DIP2C: variants seen among roughly 807,000 people sequenced by gnomAD.
DIP2C encodes the protein DIP2 acetate--CoA ligase C (putative), also known as disco-interacting protein 2 homolog C.
A neutral mutation model predicts 192.4 loss-of-function variants in DIP2C; 33 were observed. That is an observed-to-expected ratio of 0.17 (90% CI 0.13 to 0.23). The LOEUF is 0.23. Among genes scored for constraint, DIP2C ranks in the 10% least tolerant of loss-of-function variants. DIP2C has a pLI of 1.00. For missense variants in DIP2C, 1,537 were observed against 2,110.1 expected (o/e 0.73, Z 5.32); for synonymous variants, 979 against 864.1 (o/e 1.13, Z -2.33).
At chr10:303,263 A>G (rs970618164) in intron 32 of DIP2C, among the ~76,000 whole-genome samples, 1 of 151,950 alleles carries the variant, frequency 6.6e-6, no homozygotes, top group Admixed American at 6.5e-5. Flanking sequence ...ATGAGGCTGT[A>G]GATTGATCAA....
intron 1 of DIP2C, among the ~76,000 whole-genome samples, chr10:626,713 CAG>C (rs749965599): frequency 4.0e-5 from 6 of 150,406 alleles, no homozygotes; most frequent in Non-Finnish European, 8.8e-5. Context: ...CACTGTTGCC[CAG>C]GAAGGATGGA....
chr10:370,274 C>T (rs1245751391), intron 17 of DIP2C, among the ~76,000 whole-genome samples: 1 of 152,242 alleles, frequency 6.6e-6, no homozygotes, highest in African/African-American at 2.4e-5. Context: ...AGGCAGTTTT[C>T]AGAAGACCAC....
At chr10:286,418 A>G (rs961450925) in intron 33 of DIP2C, 71 bp from the exon 34 acceptor site, 15 of 1,362,098 alleles carry the variant, frequency 1.1e-5, no homozygotes, top group Admixed American at 3.4e-5. Flanking sequence ...AGCCAACCTC[A>G]ATCTCATCTT....
intron 1 of DIP2C, among the ~76,000 whole-genome samples, chr10:577,150 G>A (rs1397979494): frequency 2.6e-5 from 4 of 152,172 alleles, no homozygotes; most frequent in African/African-American, 4.8e-5. Context: ...GTTCCAGTAT[G>A]GCTGCATCCT....
intron 3 of DIP2C, among the ~76,000 whole-genome samples, chr10:441,754 T>A (rs568134043): frequency 2.0e-5 from 3 of 152,358 alleles, no homozygotes; most frequent in African/African-American, 7.2e-5. Flanking sequence ...TATGTCTTTA[T>A]CAGCAATGTG....
chr10:550,948 C>T (rs1848554160), intron 1 of DIP2C, among the ~76,000 whole-genome samples: 1 of 152,168 alleles, frequency 6.6e-6, no homozygotes, highest in South Asian at 2.1e-4. Flanking sequence ...TCCCCTCTGC[C>T]CTCACTGGAC....
chr10:385,907 G>C (rs78598568), intron 14 of DIP2C, among the ~76,000 whole-genome samples: 23,181 of 152,140 alleles, frequency 0.15, 1,863 homozygotes, highest in East Asian at 0.21. Flanking sequence ...CCGACTCCCC[G>C]CCACTCTGCT....
intron 6 of DIP2C, among the ~76,000 whole-genome samples, chr10:417,865 C>T (rs371754092): frequency 0.039 from 634 of 16,058 alleles, 73 homozygotes; most frequent in Non-Finnish European, 0.062. Context: ...AGAGCTCGGA[C>T]AGGCCTCCCT....
chr10:435,113 G>C (rs376864894), intron 4 of DIP2C, among the ~76,000 whole-genome samples: 1 of 152,012 alleles, frequency 6.6e-6, no homozygotes. Context: ...TTACCGTTCC[G>C]CATAATTTAT....
In DIP2C at chr10:689,124, G is replaced by C. The variant is rs1188988720; in HGVS notation, c.85+370C>G. On this transcript the variant is annotated intron_variant, in intron 1 of 36. Transcript: ENST00000280886. The surrounding 1 kb of genome is among the most constrained non-coding windows in gnomAD (Gnocchi z 6.1). ...CCCGCTGCATCCTGCGTCCCCGCGC[G>C]GCGCCCAGGCCCCACAGACACCCCC... is the stretch of plus-strand genomic sequence containing the variant. 6.6e-6 allele frequency among the ~76,000 whole-genome samples: 1 copy of C among 152,012 alleles called. No homozygotes were observed. Among genetic ancestry groups the C allele is most frequent in the East Asian group, 1.9e-4 (1 of 5,166 alleles).
chr10:682,259 A>T (rs1831162457), intron 1 of DIP2C, among the ~76,000 whole-genome samples: 1 of 152,206 alleles, frequency 6.6e-6, no homozygotes. Flanking sequence ...CCCAGCCCTG[A>T]CCTTGCAACA....
At chr10:375,062 T>C (rs1961407103) in intron 17 of DIP2C, among the ~76,000 whole-genome samples, 1 of 152,218 alleles carries the variant, frequency 6.6e-6, no homozygotes, top group African/African-American at 2.4e-5. Context: ...AATACGTACC[T>C]GTGTATACAA....
chr10:367,791 A>G (rs1330653231), intron 18 of DIP2C, among the ~76,000 whole-genome samples: 1 of 152,280 alleles, frequency 6.6e-6, no homozygotes, highest in East Asian at 1.9e-4. Context: ...AAGGACCCTC[A>G]GGATAAAACA....
intron 31 of DIP2C, among the ~76,000 whole-genome samples, chr10:320,465 G>A (rs1157107407): frequency 1.3e-5 from 2 of 149,198 alleles, no homozygotes; most frequent in Non-Finnish European, 2.9e-5. Flanking sequence ...CCGAGATCAT[G>A]CCATTACACT....
At chr10:350,578 A>T (rs1456417841) in intron 24 of DIP2C, among the ~76,000 whole-genome samples, 1 of 150,054 alleles carries the variant, frequency 6.7e-6, no homozygotes, top group Non-Finnish European at 1.5e-5. Flanking sequence ...ACTGCAGTCC[A>T]TGGGGTCAGG....
chr10:383,840 T>C (rs1038541520), intron 16 of DIP2C, among the ~76,000 whole-genome samples, 187 bp downstream of exon 16: 2 of 152,024 alleles, frequency 1.3e-5, no homozygotes, highest in African/African-American at 4.8e-5. Flanking sequence ...AGTGAGTGAT[T>C]ACTGTTTGGT....
chr10:629,355 C>G (rs185589290), intron 1 of DIP2C, among the ~76,000 whole-genome samples: 2 of 152,170 alleles, frequency 1.3e-5, no homozygotes, highest in Non-Finnish European at 2.9e-5. Context: ...ACCCCTCACC[C>G]GTGGTCCTGA....
At chr10:277,992 C>A (rs1363797173) in intron 36 of DIP2C, among the ~76,000 whole-genome samples, 1 of 152,250 alleles carries the variant, frequency 6.6e-6, no homozygotes, top group Non-Finnish European at 1.5e-5. Flanking sequence ...GCTTCCAGAC[C>A]CCCAGCTCTG....
At chr10:576,478 A>T (rs964335062) in intron 1 of DIP2C, among the ~76,000 whole-genome samples, 2 of 152,194 alleles carry the variant, frequency 1.3e-5, no homozygotes, top group African/African-American at 4.8e-5. Context: ...TTCCTTCAGA[A>T]ACAATGCCCA....
Sources: allele counts gnomAD v4.1 joint callset (sites outside exome capture counted in the v4.1 genomes callset), GRCh38; gene constraint gnomAD v4.1.1; non-coding constraint Gnocchi (gnomAD v3.1); transcripts MANE v1.5; gene names NCBI Gene and HGNC (gene_info 2026-07-23, HGNC 2026-07-21).